DCAF8L2: variants seen among roughly 807,000 people sequenced by gnomAD.
DCAF8L2 encodes the protein DDB1- and CUL4-associated factor 8-like protein 2.
For missense variants in DCAF8L2, 430 were observed against 490.7 expected (o/e 0.88, Z 1.17); for synonymous variants, 200 against 190.9 (o/e 1.05, Z -0.39).
intron 3 of DCAF8L2, among the ~76,000 whole-genome samples, chrX:27,690,543 G>A (rs1043039134): frequency 1.8e-5 from 2 of 110,338 alleles, no homozygotes; most frequent in African/African-American, 6.6e-5. Flanking sequence ...ACCAAGGTCT[G>A]ACCACCAGAT....
chrX:27,596,624 A>G (rs970517626), intron 1 of DCAF8L2, among the ~76,000 whole-genome samples: 2 of 111,605 alleles, frequency 1.8e-5, no homozygotes, highest in Non-Finnish European at 3.8e-5. Context: ...TTTAGCAGTC[A>G]TAGAATTATC....
At position 27,748,192 on chromosome X, in the gene DCAF8L2, G is replaced by A. The variant is rs754070602; in HGVS notation, c.1297G>A (p.Asp433Asn). The A allele has an allele frequency of 2.5e-6, 3 of 1,211,961 alleles. No homozygotes were observed. Among genetic ancestry groups the A allele is most frequent in the South Asian group, 3.5e-5 (2 of 56,998 alleles). Residue 433 changes from aspartate (D) to asparagine (N), a missense_variant, in exon 5 of 5, where the codon GAT becomes AAT. By Grantham distance (23) the Asp-to-Asn change is conservative. Transcript: ENST00000451261. ...TNITCVVYSH[D>N]GTELLASYND... ...CATCACCTGCGTTGTGTACAGCCACGATGGCACAGAGCTGCTAGCCAGCTA... is the reference window on the plus strand; with the variant it reads ...CATCACCTGCGTTGTGTACAGCCACAATGGCACAGAGCTGCTAGCCAGCTA...
intron 1 of DCAF8L2, among the ~76,000 whole-genome samples, chrX:27,615,827 C>G (rs1397329834): frequency 1.8e-5 from 2 of 111,210 alleles, no homozygotes; most frequent in African/African-American, 6.5e-5. Context: ...ATTAAAACCT[C>G]TTAAAGTTTA....
the DCAF8L2 span, among the ~76,000 whole-genome samples, chrX:27,563,292 G>T: frequency 9.0e-6 from 1 of 110,767 alleles, no homozygotes; most frequent in Non-Finnish European, 1.9e-5. Flanking sequence ...GGTTTTTATT[G>T]TTTAACATTT....
At chrX:27,469,688 C>T in the DCAF8L2 span, among the ~76,000 whole-genome samples, 1 of 111,273 alleles carries the variant, frequency 9.0e-6, no homozygotes, top group Non-Finnish European at 1.9e-5. Flanking sequence ...ATATTGGACA[C>T]GTTACTACTT....
chrX:27,733,321 T>G (rs1408750929), intron 4 of DCAF8L2, among the ~76,000 whole-genome samples: 2 of 112,222 alleles, frequency 1.8e-5, no homozygotes, highest in Non-Finnish European at 3.8e-5. Context: ...TGACCATATT[T>G]AGTTACGTCT....
intron 2 of DCAF8L2, among the ~76,000 whole-genome samples, chrX:27,640,697 G>A (rs927277599): frequency 1.8e-5 from 2 of 111,560 alleles, no homozygotes; most frequent in Admixed American, 9.6e-5. Flanking sequence ...ACATTTTCAC[G>A]GCAATGTATG....
At chrX:27,580,244 A>C in the DCAF8L2 span, among the ~76,000 whole-genome samples, 47,284 of 109,556 alleles carry the variant, frequency 0.43, 8,714 homozygotes, top group South Asian at 0.68. Context: ...AAGTCGTGTC[A>C]AGTGAAAGGA....
At chrX:27,534,186 G>C in the DCAF8L2 span, among the ~76,000 whole-genome samples, 1 of 103,625 alleles carries the variant, frequency 9.7e-6, no homozygotes, top group Non-Finnish European at 2.0e-5. Context: ...GCTTCAGCCT[G>C]GGCTACAGAG....
chrX:27,609,006 A>G (rs1241342574), intron 1 of DCAF8L2, among the ~76,000 whole-genome samples: 1 of 111,199 alleles, frequency 9.0e-6, no homozygotes, highest in Non-Finnish European at 1.9e-5. Flanking sequence ...ACATCCCAAA[A>G]GTTATAATTA....
At chrX:27,539,103 C>T in the DCAF8L2 span, among the ~76,000 whole-genome samples, 1 of 111,879 alleles carries the variant, frequency 8.9e-6, no homozygotes, top group Admixed American at 9.5e-5. Flanking sequence ...CCCGCCTTGG[C>T]CTCCCAAAGT....
the DCAF8L2 span, among the ~76,000 whole-genome samples, chrX:27,585,131 CTCT>C: frequency 9.1e-6 from 1 of 110,258 alleles, no homozygotes; most frequent in South Asian, 3.9e-4. Flanking sequence ...CTTTTATTGT[CTCT>C]TCTTCCTCGT....
chrX:27,608,992 G>A (rs1180957810), intron 1 of DCAF8L2, among the ~76,000 whole-genome samples: 2 of 110,919 alleles, frequency 1.8e-5, no homozygotes, highest in Admixed American at 9.7e-5. Flanking sequence ...CTTAAACTTA[G>A]CTGACATCCC....
chrX:27,739,936 G>A (rs1921754598), intron 4 of DCAF8L2, among the ~76,000 whole-genome samples: 1 of 111,109 alleles, frequency 9.0e-6, no homozygotes, highest in East Asian at 2.8e-4. Context: ...GAATAAATCT[G>A]GGGAATTTAT....
At chrX:27,738,665 G>A (rs1175629053) in intron 4 of DCAF8L2, among the ~76,000 whole-genome samples, 2 of 111,808 alleles carry the variant, frequency 1.8e-5, no homozygotes, top group Non-Finnish European at 3.8e-5. Context: ...TAGCAATGCT[G>A]TCTCACTTTA....
intron 4 of DCAF8L2, among the ~76,000 whole-genome samples, chrX:27,721,205 C>T (rs1039629499): frequency 9.0e-6 from 1 of 111,594 alleles, no homozygotes; most frequent in Non-Finnish European, 1.9e-5. Flanking sequence ...TCCTTTTGCA[C>T]TGTCTGATAC....
At chrX:27,734,303 G>A (rs1355463906) in intron 4 of DCAF8L2, among the ~76,000 whole-genome samples, 1 of 111,163 alleles carries the variant, frequency 9.0e-6, no homozygotes, top group African/African-American at 3.3e-5. Context: ...GTGAAAGAGA[G>A]TACCTGTAAG....
chrX:27,601,529 G>C (rs1394598444), intron 1 of DCAF8L2, among the ~76,000 whole-genome samples: 1 of 110,901 alleles, frequency 9.0e-6, no homozygotes, highest in Non-Finnish European at 1.9e-5. Flanking sequence ...GCAAAACCCT[G>C]TCTCTAGTAA....
In DCAF8L2 at chrX:27,611,364, CATAT is replaced by C. The variant is rs10545959; in HGVS notation, c.-341-20500_-341-20497del. On this transcript the variant is annotated intron_variant, in intron 1 of 4. Transcript: ENST00000451261. The stretch of plus-strand genomic sequence containing the variant: ...CAAACTTCTTCAGATTCTTTTTATT[CATAT>C]ATATATATATATATGCCGTCATAGT... Among the ~76,000 whole-genome samples, 32 of 102,709 alleles carry C rather than the reference CATAT, an allele frequency of 3.1e-4. 1 individual carries two copies. The South Asian group carries it at 0.012, about 37-fold the overall frequency. 89.2% of individuals were successfully genotyped at this position (102,709 alleles called of 115,157 possible). A position where few individuals can be genotyped will look rare whatever the true frequency, so the allele number is the denominator to read the frequency against.
Sources: allele counts gnomAD v4.1 joint callset (sites outside exome capture counted in the v4.1 genomes callset), GRCh38; gene constraint gnomAD v4.1.1; transcripts MANE v1.5; gene names NCBI Gene and HGNC (gene_info 2026-07-23, HGNC 2026-07-21).